B3GALT1: variants seen among roughly 807,000 people sequenced by gnomAD.
The protein encoded by B3GALT1 is beta-1,3-galactosyltransferase 1.
A neutral mutation model predicts 23.2 loss-of-function variants in B3GALT1; 10 were observed. That is an observed-to-expected ratio of 0.43 (90% CI 0.27 to 0.73). The LOEUF (loss-of-function observed/expected upper bound fraction) is 0.73. Among genes scored for constraint, B3GALT1 ranks in the 30% least tolerant of loss-of-function variants. The probability of loss-of-function intolerance (pLI) is 0.21; values close to 1 mark genes in which losing one functional copy is unlikely to be tolerated. For synonymous variants in B3GALT1, 156 were observed against 141.5 expected, an observed-to-expected ratio of 1.10 and a Z score of -0.73; for missense variants, 299 against 405.4, an observed-to-expected ratio of 0.74 and a Z score of 2.25.
At chr2:167,548,552 G>T (rs939687017) in intron 2 of B3GALT1, among the ~76,000 whole-genome samples, 1 of 152,088 alleles carries the variant, frequency 6.6e-6, no homozygotes, top group African/African-American at 2.4e-5. Context: ...CATAGGTGTG[G>T]CTGGAGCTTT....
intron 4 of B3GALT1, among the ~76,000 whole-genome samples, chr2:167,842,507 C>T (rs1689671073): frequency 1.3e-5 from 2 of 152,170 alleles, no homozygotes; most frequent in Admixed American, 1.3e-4. Flanking sequence ...GTAATAACAG[C>T]ACCTAGATTG....
intron 1 of B3GALT1, among the ~76,000 whole-genome samples, chr2:167,457,967 T>A (rs550202118): frequency 2.0e-3 from 310 of 152,328 alleles, no homozygotes; most frequent in Non-Finnish European, 3.7e-3. Flanking sequence ...AAAATACATA[T>A]AACATAAAAT....
chr2:167,354,297 A>T (rs1027464221), intron 1 of B3GALT1, among the ~76,000 whole-genome samples: 1 of 151,362 alleles, frequency 6.6e-6, no homozygotes, highest in Non-Finnish European at 1.5e-5. Flanking sequence ...TCTCACAGTG[A>T]TACAGCCACA....
At chr2:167,713,901 G>A (rs1420232624) in intron 3 of B3GALT1, 1 of 1,581,196 alleles carries the variant, frequency 6.3e-7, no homozygotes, top group African/African-American at 1.3e-5. Flanking sequence ...GTTCCTGGAG[G>A]AGGTTGGGGG....
At chr2:167,359,080 G>A (rs565590526) in intron 1 of B3GALT1, among the ~76,000 whole-genome samples, 2 of 152,174 alleles carry the variant, frequency 1.3e-5, no homozygotes, top group African/African-American at 2.4e-5. Context: ...GATTACAGGC[G>A]TGAGCCACCG....
At chr2:167,809,112 C>T (rs1286679267) in intron 3 of B3GALT1, among the ~76,000 whole-genome samples, 3 of 152,304 alleles carry the variant, frequency 2.0e-5, no homozygotes, top group African/African-American at 4.8e-5. Context: ...ACGTAGTCCT[C>T]GTGCCTTGGT....
intron 3 of B3GALT1, among the ~76,000 whole-genome samples, chr2:167,812,586 G>A (rs1254041661): frequency 6.6e-6 from 1 of 152,068 alleles, no homozygotes; most frequent in African/African-American, 2.4e-5. Context: ...AAAGGCTCAT[G>A]GTATACCAGA....
At chr2:167,643,733 G>C (rs936897338) in intron 2 of B3GALT1, among the ~76,000 whole-genome samples, 8 of 152,148 alleles carry the variant, frequency 5.3e-5, no homozygotes, top group Non-Finnish European at 8.8e-5. Context: ...TGTTTAAACT[G>C]AACAGTATCT....
intron 2 of B3GALT1, among the ~76,000 whole-genome samples, chr2:167,603,566 C>A (rs1171320294): frequency 3.3e-5 from 5 of 152,206 alleles, no homozygotes; most frequent in African/African-American, 9.6e-5. Context: ...GCAGCCTCTT[C>A]CTTTGCACTT....
intron 1 of B3GALT1, among the ~76,000 whole-genome samples, chr2:167,412,414 GCAGA>G (rs1340958750): frequency 6.6e-6 from 1 of 152,072 alleles, no homozygotes; most frequent in Non-Finnish European, 1.5e-5. Flanking sequence ...ATAATCAAAT[GCAGA>G]CAATCAAATA....
At chr2:167,344,084 AAAT>A (rs1186361927) in intron 1 of B3GALT1, among the ~76,000 whole-genome samples, 1 of 152,220 alleles carries the variant, frequency 6.6e-6, no homozygotes, top group Non-Finnish European at 1.5e-5. Context: ...CAATTACAAA[AAAT>A]ACTCATATAA....
chr2:167,483,986 G>T (rs748518474), intron 1 of B3GALT1, among the ~76,000 whole-genome samples: 42 of 152,162 alleles, frequency 2.8e-4, no homozygotes, highest in Non-Finnish European at 4.6e-4. Flanking sequence ...TCTCCGTTAA[G>T]AACTGACCTC....
intron 3 of B3GALT1, among the ~76,000 whole-genome samples, chr2:167,676,170 T>G (rs1418687704): frequency 6.6e-6 from 1 of 152,038 alleles, no homozygotes; most frequent in African/African-American, 2.4e-5. Flanking sequence ...ACCCCTCGCT[T>G]CCTCTCACAC....
At chr2:167,737,161 A>T (rs1403188923) in intron 3 of B3GALT1, among the ~76,000 whole-genome samples, 3 of 152,218 alleles carry the variant, frequency 2.0e-5, no homozygotes, top group African/African-American at 7.2e-5. Flanking sequence ...GTATGGCCTT[A>T]CAGGAGCTTA....
intron 3 of B3GALT1, among the ~76,000 whole-genome samples, chr2:167,703,500 A>ATTC (rs5836156): frequency 2.0e-5 from 3 of 151,416 alleles, no homozygotes; most frequent in African/African-American, 7.3e-5. Flanking sequence ...AAGGATTAAA[A>ATTC]TTAAGGTTAA....
chr2:167,467,307 GT>G (rs113230385), intron 1 of B3GALT1, among the ~76,000 whole-genome samples: 130 of 152,028 alleles, frequency 8.6e-4, no homozygotes, highest in African/African-American at 3.0e-3. Context: ...ATTCTTTTGG[GT>G]TATTACTTCA....
At chr2:167,296,380 C>G (rs1238768745) in intron 1 of B3GALT1, among the ~76,000 whole-genome samples, 1 of 152,120 alleles carries the variant, frequency 6.6e-6, no homozygotes, top group African/African-American at 2.4e-5. Context: ...ATAGTGAAAT[C>G]ATTCTTTTTC....
chr2:167,358,892 T>G (rs958628417), intron 1 of B3GALT1, among the ~76,000 whole-genome samples: 1 of 152,160 alleles, frequency 6.6e-6, no homozygotes, highest in African/African-American at 2.4e-5. Context: ...AACCTCTGCC[T>G]CCTGGGTTCA....
At chr2:167,574,661 TTA>T (rs1422340472) in intron 2 of B3GALT1, among the ~76,000 whole-genome samples, 1 of 151,728 alleles carries the variant, frequency 6.6e-6, no homozygotes, top group African/African-American at 2.4e-5. Context: ...ATGTTTGATT[TTA>T]TGTTATTGTT....
Sources: allele counts gnomAD v4.1 joint callset (sites outside exome capture counted in the v4.1 genomes callset), GRCh38; gene constraint gnomAD v4.1.1; transcripts MANE v1.5; gene names NCBI Gene and HGNC (gene_info 2026-07-23, HGNC 2026-07-21).